Variants in MAPKAP1 observed in about 807,000 individuals in gnomAD.
MAPKAP1 encodes target of rapamycin complex 2 subunit MAPKAP1.
A neutral mutation model predicts 65.7 loss-of-function variants in MAPKAP1; 20 were observed. The observed-to-expected ratio is 0.30, with a 90% CI of 0.21 to 0.44. The LOEUF (loss-of-function observed/expected upper bound fraction) is 0.44. Among genes scored for constraint, MAPKAP1 ranks in the 20% least tolerant of loss-of-function variants. The pLI, the probability that MAPKAP1 is intolerant of heterozygous loss-of-function variation, is 1.00. For synonymous variants in MAPKAP1, 222 were observed against 244.3 expected (o/e 0.91, Z 0.85); for missense variants, 423 against 648.0 (o/e 0.65, Z 3.77).
At chr9:125,485,783 C>T (rs1191107488) in intron 8 of MAPKAP1, among the ~76,000 whole-genome samples, 1 of 152,142 alleles carries the variant, frequency 6.6e-6, no homozygotes, top group African/African-American at 2.4e-5. Context: ...CCCTGGAGCC[C>T]GACAGCTGCG....
At chr9:125,672,280 A>C in intron 2 of MAPKAP1, 36 bp downstream of exon 2, 1 of 1,607,148 alleles carries the variant, frequency 6.2e-7, no homozygotes, top group Non-Finnish European at 8.5e-7. Flanking sequence ...TTACTGATTT[A>C]AAGCTCAGAA....
rs547508320 is a variant in MAPKAP1 at position 125,449,363 on chromosome 9, G to GAACTATCATCA, written c.1346-4766_1346-4765insTGATGATAGTT. On this transcript the variant is annotated intron_variant, in intron 10 of 11. Transcript: ENST00000265960. ...GGTGGTCATTCATTTAACTATGATG[G>GAACTATCATCA]AACTGGTATTTGATGATAAAATGCT... Among the ~76,000 whole-genome samples the GAACTATCATCA allele has an allele frequency of 4.9e-3, 752 of 152,210 alleles. 5 individuals carry two copies. The highest frequency in any genetic ancestry group is 6.8e-3 in the Middle Eastern group (2 of 294).
intron 7 of MAPKAP1, among the ~76,000 whole-genome samples, chr9:125,506,893 T>C (rs1054231781): frequency 4.6e-5 from 7 of 152,330 alleles, no homozygotes; most frequent in Middle Eastern, 3.4e-3. Flanking sequence ...GAATAAGATA[T>C]GTGTAGAACT....
intron 1 of MAPKAP1, among the ~76,000 whole-genome samples, chr9:125,706,585 T>C (rs1277962231): frequency 1.3e-5 from 2 of 151,898 alleles, no homozygotes; most frequent in Non-Finnish European, 2.9e-5. Context: ...GTTAACCTCT[T>C]TAAGGGGGAG....
intron 8 of MAPKAP1, among the ~76,000 whole-genome samples, chr9:125,488,725 C>A (rs1854587640): frequency 6.6e-6 from 1 of 152,180 alleles, no homozygotes; most frequent in Non-Finnish European, 1.5e-5. Context: ...AATGGTGCAA[C>A]CACTTCTCTG....
At chr9:125,608,840 A>G (rs1413390989) in intron 4 of MAPKAP1, among the ~76,000 whole-genome samples, 1 of 152,234 alleles carries the variant, frequency 6.6e-6, no homozygotes, top group Non-Finnish European at 1.5e-5. Flanking sequence ...CTAAAAAACC[A>G]AAATGACAAT....
chr9:125,604,322 A>T (rs1211343346), intron 4 of MAPKAP1, among the ~76,000 whole-genome samples: 1 of 152,242 alleles, frequency 6.6e-6, no homozygotes, highest in African/African-American at 2.4e-5. Context: ...CTTGCACAGC[A>T]CCACACTATT....
chr9:125,515,021 T>C lies in MAPKAP1; in HGVS notation c.959-8604A>G, dbSNP rs968328562. The stretch of plus-strand genomic sequence containing the variant: ...TTCTGCTTGATCTTAATATAAGCAC[T>C]GAACTATATTCAAGTGACAACCGCT... On this transcript the variant is annotated intron_variant, in intron 7 of 11. Coordinates refer to ENST00000265960, the MANE Select transcript of MAPKAP1 (RefSeq NM_001006617.3). 2.0e-5 allele frequency among the ~76,000 whole-genome samples: 3 copies of C among 152,078 alleles called. No individual in the cohort carries two copies. The East Asian group carries it at 5.8e-4, about 29-fold the overall frequency.
At chr9:125,702,669 C>G (rs745363785) in intron 1 of MAPKAP1, among the ~76,000 whole-genome samples, 1 of 151,740 alleles carries the variant, frequency 6.6e-6, no homozygotes. Flanking sequence ...CTGGCCAACA[C>G]GGCAAAACCC....
intron 3 of MAPKAP1, among the ~76,000 whole-genome samples, chr9:125,667,086 G>T (rs746765432): frequency 6.6e-6 from 1 of 152,172 alleles, no homozygotes; most frequent in African/African-American, 2.4e-5. Flanking sequence ...AGTATAAGAA[G>T]TACATGTCTA....
At chr9:125,612,400 TTTTAG>T (rs1832626894) in intron 4 of MAPKAP1, among the ~76,000 whole-genome samples, 1 of 151,978 alleles carries the variant, frequency 6.6e-6, no homozygotes, top group African/African-American at 2.4e-5. Context: ...GTACAAATTC[TTTTAG>T]TTTTTTTTTA....
intron 10 of MAPKAP1, among the ~76,000 whole-genome samples, chr9:125,452,303 T>C (rs1045405975): frequency 6.6e-6 from 1 of 152,130 alleles, no homozygotes; most frequent in African/African-American, 2.4e-5. Flanking sequence ...TTTGCCATGT[T>C]GGCTAGGCTA....
intron 1 of MAPKAP1, among the ~76,000 whole-genome samples, chr9:125,701,171 A>T (rs1416319237): frequency 6.6e-6 from 1 of 152,202 alleles, no homozygotes; most frequent in Non-Finnish European, 1.5e-5. Flanking sequence ...CATTCCTTCA[A>T]TTTTCTACCA....
intron 9 of MAPKAP1, among the ~76,000 whole-genome samples, chr9:125,472,953 C>T (rs775590893): frequency 6.6e-6 from 1 of 152,162 alleles, no homozygotes; most frequent in Non-Finnish European, 1.5e-5. Flanking sequence ...TTGATTTCCA[C>T]TTCAGAATTC....
At chr9:125,538,310 G>A (rs1363668802) in intron 7 of MAPKAP1, among the ~76,000 whole-genome samples, 1 of 152,116 alleles carries the variant, frequency 6.6e-6, no homozygotes, top group Non-Finnish European at 1.5e-5. Flanking sequence ...ATGGTGACTT[G>A]GACCCATCCA....
rs540985247 is a variant in MAPKAP1 at position 125,640,934 on chromosome 9, T to G, written c.498+16717A>C. The stretch of plus-strand genomic sequence containing the variant: ...GTGTGGAAATATTTCTTTTAATACA[T>G]GTGGTTCTTCTGAAATAGTATAAAC... On this transcript the variant is annotated intron_variant, in intron 4 of 11. Coordinates refer to ENST00000265960, the MANE Select transcript of MAPKAP1 (RefSeq NM_001006617.3). Among the ~76,000 whole-genome samples the G allele has an allele frequency of 4.3e-4, 65 of 152,370 alleles. 1 individual carries two copies. The Middle Eastern group carries it at 0.014, about 32-fold the overall frequency.
chr9:125,595,528 G>T lies in MAPKAP1; in HGVS notation c.499-9801C>A. On this transcript the variant is annotated intron_variant, in intron 4 of 11. Transcript: ENST00000265960. This position sits in a 1 kb window ranked among gnomAD's most constrained non-coding sequence, Gnocchi z 4.0. ...CATATACCTGATAGTTTCCAAAGTA[G>T]GAGAAGCAATAAGAATACAGATGGG... 8.9e-7 allele frequency: 1 copy of T among 1,127,642 alleles called. No individual in the cohort carries two copies. Among genetic ancestry groups the T allele is most frequent in the African/African-American group, 1.6e-5 (1 of 62,526 alleles). 69.9% of individuals were successfully genotyped at this position (1,127,642 alleles called of 1,614,324 possible).
intron 3 of MAPKAP1, among the ~76,000 whole-genome samples, chr9:125,658,310 A>C (rs1382229253): frequency 2.0e-5 from 3 of 152,234 alleles, no homozygotes; most frequent in African/African-American, 4.8e-5. Context: ...AAAGATGAAG[A>C]GGAGAAAAAG....
chr9:125,482,564 A>C (rs1281720117), intron 9 of MAPKAP1, among the ~76,000 whole-genome samples: 4 of 152,228 alleles, frequency 2.6e-5, no homozygotes, highest in Non-Finnish European at 5.9e-5. Context: ...TAAGGTTTTT[A>C]TGAGGAAGAA....
Sources: allele counts gnomAD v4.1 joint callset (sites outside exome capture counted in the v4.1 genomes callset), GRCh38; gene constraint gnomAD v4.1.1; non-coding constraint Gnocchi (gnomAD v3.1); transcripts MANE v1.5; gene names NCBI Gene and HGNC (gene_info 2026-07-23, HGNC 2026-07-21).